ILDR2: variants seen among roughly 807,000 people sequenced by gnomAD.
ILDR2 encodes the protein immunoglobulin like domain containing receptor 2.
ILDR2 carries 25 observed loss-of-function variants against 66.8 expected under a neutral mutation model. That is an observed-to-expected ratio of 0.37 (90% CI 0.27 to 0.52). ILDR2 has a LOEUF of 0.52. ILDR2 is among the 20% of genes least tolerant of loss of function. ILDR2 has a pLI of 0.88. For synonymous variants in ILDR2, 367 were observed against 357.2 expected, an observed-to-expected ratio of 1.03 and a Z score of -0.31; for missense variants, 827 against 876.8, an observed-to-expected ratio of 0.94 and a Z score of 0.72.
chr1:166,975,220 T>C lies in ILDR2; in HGVS notation c.46+3A>G. The C allele has an allele frequency of 6.2e-7, 1 of 1,610,010 alleles. No homozygotes were observed. On this transcript the variant is annotated splice_donor_region_variant and intron_variant, in intron 1 of 9. Coordinates refer to ENST00000271417, the MANE Select transcript of ILDR2 (RefSeq NM_199351.3). ...ATTCGTTTCTGTTGAAAAGGACTCT[T>C]ACCTGTTAGCCAGAAGAGAGAAATC...
rs1301295810 is a variant in ILDR2 at position 166,921,695 on chromosome 1, C to A, written c.1212-316G>T. Among the ~76,000 whole-genome samples, 1 of 152,210 alleles carries A rather than the reference C, an allele frequency of 6.6e-6. No homozygotes were observed. Among genetic ancestry groups the A allele is most frequent in the Admixed American group, 6.5e-5 (1 of 15,290 alleles). On this transcript the variant is annotated intron_variant, in intron 8 of 9. Transcript: ENST00000271417. The surrounding 1 kb of genome is among the most constrained non-coding windows in gnomAD (Gnocchi z 5.3). ...TCATTATGTTGTGACCTCGGGTTGA[C>A]AGCCACACGTCTCCACCCTCAAAGC...
rs1266880783 is a variant in ILDR2 at position 166,909,778 on chromosome 1, T to TAA, written c.*9576_*9577insTT. 1.5e-3 allele frequency: 39 copies of TAA among 25,712 alleles called. 1 individual carries two copies. Among genetic ancestry groups the TAA allele is most frequent in the African/African-American group, 2.7e-3 (16 of 5,938 alleles). The allele number at this position is 25,712 out of a possible 1,614,324, so 1.6% of individuals were successfully genotyped here. A position where few individuals can be genotyped will look rare whatever the true frequency, so the allele number is the denominator to read the frequency against. ...ATATATAAATATATATAAATATATA[T>TAA]ATTTATATATATATATATATATATA... On this transcript the variant is annotated 3_prime_UTR_variant, in exon 10 of 10. Transcript: ENST00000271417.
At chr1:166,959,152 C>G (rs2101987491) in intron 1 of ILDR2, among the ~76,000 whole-genome samples, 1 of 152,338 alleles carries the variant, frequency 6.6e-6, no homozygotes, top group Non-Finnish European at 1.5e-5. Context: ...GCTTGGGCAA[C>G]TTTTTGCATC....
intron 1 of ILDR2, among the ~76,000 whole-genome samples, chr1:166,960,449 T>G (rs1184564822): frequency 6.6e-6 from 1 of 152,220 alleles, no homozygotes; most frequent in African/African-American, 2.4e-5. Flanking sequence ...GATGGTTTCT[T>G]AAGCAATCTG....
chr1:166,931,763 G>T (rs1660651575), intron 6 of ILDR2, among the ~76,000 whole-genome samples: 1 of 152,146 alleles, frequency 6.6e-6, no homozygotes, highest in Admixed American at 6.6e-5. Context: ...TGGGGGAGAA[G>T]GAAGGGATAA....
rs1389772295 is a variant in ILDR2, at chr1:166,935,151, G to A, written c.880+150C>T. 1.5e-5 allele frequency: 12 copies of A among 787,594 alleles called. No individual in the cohort carries two copies. In the Middle Eastern group the frequency reaches 4.2e-3, roughly 273 times the overall value. The allele number at this position is 787,594 out of a possible 1,614,324, so 48.8% of individuals were successfully genotyped here. On this transcript the variant is annotated intron_variant, in intron 6 of 9. Coordinates refer to ENST00000271417, the MANE Select transcript of ILDR2 (RefSeq NM_199351.3). ...TGGAAAGCATGAATGTACCCTAAAA[G>A]ATATCTGACATAGCTGGAAGGATCC...
At chr1:166,897,022 C>T (rs1023785321) in intron 2 of ILDR2, among the ~76,000 whole-genome samples, 2 of 152,162 alleles carry the variant, frequency 1.3e-5, no homozygotes, top group African/African-American at 2.4e-5. Flanking sequence ...CACATTGCTG[C>T]TATACGCAAT....
At chr1:166,926,236 C>T (rs1266751542) in intron 7 of ILDR2, among the ~76,000 whole-genome samples, 10 of 152,056 alleles carry the variant, frequency 6.6e-5, no homozygotes, top group South Asian at 4.2e-4. Flanking sequence ...CTTCCACACC[C>T]GCCAGCACCC....
downstream of ILDR2, among the ~76,000 whole-genome samples, chr1:166,906,888 G>T (rs1341541820): frequency 6.6e-6 from 1 of 152,178 alleles, no homozygotes; most frequent in East Asian, 1.9e-4. Flanking sequence ...GATGCTCTAG[G>T]GTTTCGCCTG....
chr1:166,910,203 T>A lies in ILDR2; in HGVS notation c.*9152A>T, dbSNP rs1659446385. 1 of 152,098 alleles carries A rather than the reference T, an allele frequency of 6.6e-6. No individual in the cohort carries two copies. Among genetic ancestry groups the A allele is most frequent in the Admixed American group, 6.6e-5 (1 of 15,260 alleles). 9.4% of individuals were successfully genotyped at this position (152,098 alleles called of 1,614,324 possible). A position where few individuals can be genotyped will look rare whatever the true frequency, so the allele number is the denominator to read the frequency against. ...GAAAACAATTGTAATTCCATGGTGT[T>A]AAAAGCACACTTTAAAATAGCTTTA... On this transcript the variant is annotated 3_prime_UTR_variant, in exon 10 of 10. Transcript: ENST00000271417.
rs980366207 is a variant in ILDR2, at chr1:166,911,663, A to AC, written c.*7691_*7692insG. The AC allele has an allele frequency of 6.6e-6, 1 of 151,944 alleles. No individual in the cohort carries two copies. Among genetic ancestry groups the AC allele is most frequent in the Non-Finnish European group, 1.5e-5 (1 of 67,946 alleles). 9.4% of individuals were successfully genotyped at this position (151,944 alleles called of 1,614,324 possible). On this transcript the variant is annotated 3_prime_UTR_variant, in exon 10 of 10. Transcript: ENST00000271417. ...AGATAAATAAGAGGGCATTGTAAAAAAAAAAAAAGAGTAAGTCACAAGACA... is the reference window on the plus strand; with the variant it reads ...AGATAAATAAGAGGGCATTGTAAAAACAAAAAAAAGAGTAAGTCACAAGACA...
In ILDR2 at chr1:166,909,559, G is replaced by A. The variant is rs1190942196; in HGVS notation, c.*9796C>T. ...ATGAAACATAAGAGGCTATCGCCTTGGCCTGAGGGAATGAGAAAAGCTAGG... is the reference window on the plus strand; with the variant it reads ...ATGAAACATAAGAGGCTATCGCCTTAGCCTGAGGGAATGAGAAAAGCTAGG... On this transcript the variant is annotated 3_prime_UTR_variant, in exon 10 of 10. Transcript: ENST00000271417. 6.6e-6 allele frequency: 1 copy of A among 151,538 alleles called. No homozygotes were observed. Among genetic ancestry groups the A allele is most frequent in the African/African-American group, 2.4e-5 (1 of 41,186 alleles). 9.4% of individuals were successfully genotyped at this position (151,538 alleles called of 1,614,324 possible). A position where few individuals can be genotyped will look rare whatever the true frequency, so the allele number is the denominator to read the frequency against.
At chr1:166,965,413 CAGAA>C (rs1662880156) in intron 1 of ILDR2, among the ~76,000 whole-genome samples, 1 of 151,974 alleles carries the variant, frequency 6.6e-6, no homozygotes, top group Admixed American at 6.6e-5. Flanking sequence ...ATTGAACAAT[CAGAA>C]AGCAAATATA....
chr1:166,959,456 G>A (rs1662481318), intron 1 of ILDR2, among the ~76,000 whole-genome samples: 1 of 152,196 alleles, frequency 6.6e-6, no homozygotes, highest in Non-Finnish European at 1.5e-5. Flanking sequence ...CCTTCCAGTG[G>A]TGACCCAGCA....
At position 166,921,648 on chromosome 1, in the gene ILDR2, C is replaced by T. The variant is rs1659950906; in HGVS notation, c.1212-269G>A. On this transcript the variant is annotated intron_variant, in intron 8 of 9. Transcript: ENST00000271417. The surrounding 1 kb of genome is among the most constrained non-coding windows in gnomAD (Gnocchi z 5.3). Reference sequence around the variant, plus strand: ...ATTCTGTATCCTATGGAATACTGACCCACCGTGGGGCTGCCTTCTGGTCAT... The same window carrying T: ...ATTCTGTATCCTATGGAATACTGACTCACCGTGGGGCTGCCTTCTGGTCAT... 6.6e-6 allele frequency among the ~76,000 whole-genome samples: 1 copy of T among 152,184 alleles called. No homozygotes were observed. The highest frequency in any genetic ancestry group is 1.5e-5 in the Non-Finnish European group (1 of 68,020).
In ILDR2 at chr1:166,921,471, C is replaced by T; in HGVS notation, c.1212-92G>A. 1 of 1,085,934 alleles carries T rather than the reference C, an allele frequency of 9.2e-7. No homozygotes were observed. The highest frequency in any genetic ancestry group is 1.3e-6 in the Non-Finnish European group (1 of 775,596). The allele number at this position is 1,085,934 out of a possible 1,614,324, so 67.3% of individuals were successfully genotyped here. A position where few individuals can be genotyped will look rare whatever the true frequency, so the allele number is the denominator to read the frequency against. ...GAGCACCCATCGTGTCCTGGGGCCA[C>T]GCTCAGGAGACCTCGGCCTGAGCCT... On this transcript the variant is annotated intron_variant, in intron 8 of 9. Transcript: ENST00000271417. This position sits in a 1 kb window ranked among gnomAD's most constrained non-coding sequence, Gnocchi z 5.3.
chr1:166,973,951 ATATT>A (rs1663457517), intron 1 of ILDR2, among the ~76,000 whole-genome samples: 1 of 152,164 alleles, frequency 6.6e-6, no homozygotes, highest in Non-Finnish European at 1.5e-5. Context: ...AATGGGAAAA[ATATT>A]TAGGCAATGA....
At chr1:166,925,742 C>CT (rs1466207711) in intron 7 of ILDR2, among the ~76,000 whole-genome samples, 1 of 152,210 alleles carries the variant, frequency 6.6e-6, no homozygotes, top group Non-Finnish European at 1.5e-5. Flanking sequence ...CCCTTTGACT[C>CT]TAAGAGTCCA....
Position 166,922,761 on chromosome 1 carries a change from T to C in ILDR2, c.1043A>G (p.Asn348Ser), listed in dbSNP as rs761624890. ...ELSSLHEEDS[N>S]FRQSFHQMRS... ...CATCTGATGGAAAGACTGGCGGAAA[T>C]TGCTGTCCTCCTCATGTAGGGAGCT... The change falls in exon 8 of 10, where the codon AAT (asparagine) becomes AGT (serine). Residue 348 changes from asparagine to serine, a missense_variant. Around this residue, in one of 2 missense-constraint regions of ILDR2, gnomAD observed 437 missense variants for 523.2 expected, o/e 0.84. Coordinates refer to ENST00000271417, the MANE Select transcript of ILDR2 (RefSeq NM_199351.3). 6.8e-6 allele frequency: 11 copies of C among 1,614,106 alleles called. No homozygotes were observed. Among genetic ancestry groups the C allele is most frequent in the Admixed American group, 1.7e-5 (1 of 60,006 alleles).
Sources: allele counts gnomAD v4.1 joint callset (sites outside exome capture counted in the v4.1 genomes callset), GRCh38; gene constraint gnomAD v4.1.1; regional missense constraint gnomAD v4.1.1; non-coding constraint Gnocchi (gnomAD v3.1); transcripts MANE v1.5; gene names NCBI Gene and HGNC (gene_info 2026-07-23, HGNC 2026-07-21).